The following RAB18 variants were observed in gnomAD, a reference collection of about 807,000 sequenced individuals.
RAB18 encodes the protein ras-related protein Rab-18.
A neutral mutation model predicts 28.5 loss-of-function variants in RAB18; 10 were observed. The observed-to-expected ratio is 0.35, with a 90% CI of 0.22 to 0.60. The LOEUF (loss-of-function observed/expected upper bound fraction) is 0.60, where lower values mean the gene tolerates loss of function less well. Among genes scored for constraint, RAB18 ranks in the 20% least tolerant of loss-of-function variants. The pLI, the probability that RAB18 is intolerant of heterozygous loss-of-function variation, is 0.78. For missense variants in RAB18, 188 were observed against 244.2 expected (o/e 0.77, Z 1.53); for synonymous variants, 93 against 86.9 (o/e 1.07, Z -0.39).
intron 2 of RAB18, among the ~76,000 whole-genome samples, chr10:27,519,140 T>C (rs1834497836): frequency 6.6e-6 from 1 of 150,872 alleles, no homozygotes; most frequent in Non-Finnish European, 1.5e-5. Flanking sequence ...GAAAAGTTGG[T>C]TTAACATTAA....
intron 2 of RAB18, among the ~76,000 whole-genome samples, chr10:27,517,378 A>G (rs1034923068): frequency 7.9e-5 from 12 of 152,108 alleles, no homozygotes; most frequent in African/African-American, 2.9e-4. Flanking sequence ...AAAAAAAAAG[A>G]ATTTGATGAA....
At chr10:27,508,509 G>C (rs193042524) in intron 1 of RAB18, among the ~76,000 whole-genome samples, 2 of 152,102 alleles carry the variant, frequency 1.3e-5, no homozygotes, top group East Asian at 3.9e-4. Context: ...CTTAAATTAT[G>C]GGTAACTGAG....
chr10:27,526,449 A>G (rs1215261653), intron 2 of RAB18, among the ~76,000 whole-genome samples: 1 of 152,212 alleles, frequency 6.6e-6, no homozygotes, highest in South Asian at 2.1e-4. Context: ...GTGGATGCTT[A>G]GGGAGCCCCT....
chr10:27,536,005 C>G (rs975162405), intron 6 of RAB18, among the ~76,000 whole-genome samples: 2 of 149,226 alleles, frequency 1.3e-5, no homozygotes, highest in Admixed American at 6.6e-5. Flanking sequence ...ATTGCTTGAA[C>G]CTGGGAGGCG....
chr10:27,516,859 A>G (rs1834446622), intron 2 of RAB18, among the ~76,000 whole-genome samples: 1 of 152,242 alleles, frequency 6.6e-6, no homozygotes, highest in Non-Finnish European at 1.5e-5. Context: ...AAAGGTTGAA[A>G]ATAGATGAAC....
chr10:27,528,238 T>G (rs914668040), intron 3 of RAB18: 1 of 445,132 alleles, frequency 2.2e-6, no homozygotes, highest in South Asian at 1.6e-5. Context: ...ATTTTCTAGT[T>G]CCTGCCTAAT....
chr10:27,527,694 A>G (rs577274537), intron 3 of RAB18, among the ~76,000 whole-genome samples: 1 of 152,238 alleles, frequency 6.6e-6, no homozygotes, highest in East Asian at 1.9e-4. Flanking sequence ...AGAACTGATC[A>G]GTCATCAAAT....
chr10:27,537,946 C>G lies in RAB18; in HGVS notation c.516C>G (p.Thr172=), dbSNP rs755268566. ...FEELVEKIIQ[T]PGLWESENQN... ...AACTTGTTGAAAAGATCATTCAGAC[C>G]CCTGGACTGTGGGAAAGTGAGAACC... is the stretch of plus-strand genomic sequence containing the variant. The change falls in exon 7 of 7, where the codon ACC becomes ACG. Residue 172 remains threonine, a synonymous_variant. Transcript: ENST00000356940. 5.6e-6 allele frequency: 9 copies of G among 1,613,976 alleles called. No individual in the cohort carries two copies. Among genetic ancestry groups the G allele is most frequent in the Non-Finnish European group, 6.8e-6 (8 of 1,179,970 alleles).
intron 6 of RAB18, among the ~76,000 whole-genome samples, chr10:27,535,455 A>T (rs1269089330): frequency 6.6e-6 from 1 of 152,156 alleles, no homozygotes; most frequent in East Asian, 1.9e-4. Flanking sequence ...AAGGAACAGG[A>T]AGAAAGCGTG....
At chr10:27,535,323 C>A (rs913402006) in intron 6 of RAB18, among the ~76,000 whole-genome samples, 3 of 152,100 alleles carry the variant, frequency 2.0e-5, no homozygotes, top group Non-Finnish European at 2.9e-5. Context: ...CAAGACTATT[C>A]TTCTTCTTCT....
chr10:27,539,339 T>C lies in RAB18; in HGVS notation c.*1288T>C, dbSNP rs951535448. On this transcript the variant is annotated 3_prime_UTR_variant, in exon 7 of 7. Coordinates refer to ENST00000356940, the MANE Select transcript of RAB18 (RefSeq NM_021252.5). ...ATTAATTTCTGGGCAGTTTGTTCTC[T>C]GTATACAATTGCAAATGATAAGCAT... 8 of 293,016 alleles carry C rather than the reference T, an allele frequency of 2.7e-5. No individual in the cohort carries two copies. Among genetic ancestry groups the C allele is most frequent in the African/African-American group, 1.8e-4 (8 of 44,452 alleles). The allele number at this position is 293,016 out of a possible 1,614,324, so 18.2% of individuals were successfully genotyped here. A position where few individuals can be genotyped will look rare whatever the true frequency, so the allele number is the denominator to read the frequency against.
chr10:27,529,697 T>G (rs1354380242), intron 3 of RAB18, among the ~76,000 whole-genome samples: 1 of 152,002 alleles, frequency 6.6e-6, no homozygotes, highest in Non-Finnish European at 1.5e-5. Context: ...GTGCTTCATT[T>G]ATCTTACAAA....
Position 27,540,795 on chromosome 10 carries a change from C to T in RAB18, c.*2744C>T, listed in dbSNP as rs12254670. 7,138 of 454,028 alleles carry T rather than the reference C, an allele frequency of 0.016. 404 individuals are homozygous for T. Among genetic ancestry groups the T allele is most frequent in the African/African-American group, 0.13 (6,298 of 50,078 alleles). 28.1% of individuals were successfully genotyped at this position (454,028 alleles called of 1,614,324 possible). A position where few individuals can be genotyped will look rare whatever the true frequency, so the allele number is the denominator to read the frequency against. On this transcript the variant is annotated 3_prime_UTR_variant, in exon 7 of 7. Coordinates refer to ENST00000356940, the MANE Select transcript of RAB18 (RefSeq NM_021252.5). ...TCCATAAACTCATACTTGGTGTTGA[C>T]ATTCTAGCTGAGTGTTGTGGAAATA...
chr10:27,533,564 A>AT (rs1156637546), intron 4 of RAB18, among the ~76,000 whole-genome samples, 171 bp from the exon 5 acceptor site: 2 of 151,690 alleles, frequency 1.3e-5, no homozygotes, highest in African/African-American at 4.8e-5. Flanking sequence ...TAAAAAAAAA[A>AT]CACTTGTTTC....
chr10:27,523,213 A>G (rs1471157262), intron 2 of RAB18, among the ~76,000 whole-genome samples: 1 of 143,730 alleles, frequency 7.0e-6, no homozygotes, highest in Non-Finnish European at 1.5e-5. Flanking sequence ...AAAATATTTA[A>G]TTTAAAATAC....
At position 27,526,907 on chromosome 10, in the gene RAB18, G is replaced by A. The variant is rs921540516; in HGVS notation, c.186+18G>A. The A allele has an allele frequency of 1.1e-5, 18 of 1,601,772 alleles. No homozygotes were observed. Among genetic ancestry groups the A allele is most frequent in the Non-Finnish European group, 1.5e-5 (17 of 1,169,652 alleles). On this transcript the variant is annotated intron_variant, in intron 3 of 6. Coordinates refer to ENST00000356940, the MANE Select transcript of RAB18 (RefSeq NM_021252.5). ...CAATATGGGTAAGAGTTTTTAAAAT[G>A]TATTTTTAAAATATTAAACTTTACT...
At chr10:27,533,002 AT>A (rs892806541) in intron 4 of RAB18, among the ~76,000 whole-genome samples, 6 of 152,120 alleles carry the variant, frequency 3.9e-5, no homozygotes, top group Admixed American at 3.9e-4. Context: ...TTGATTTATA[AT>A]CAAACAAAAT....
At position 27,504,666 on chromosome 10, in the gene RAB18, G is replaced by T. The variant is rs769847675; in HGVS notation, c.68+229G>T. The T allele has an allele frequency of 8.2e-6, 6 of 735,090 alleles. No homozygotes were observed. The East Asian group carries it at 1.3e-4, about 16-fold the overall frequency. 45.5% of individuals were successfully genotyped at this position (735,090 alleles called of 1,614,324 possible). A position where few individuals can be genotyped will look rare whatever the true frequency, so the allele number is the denominator to read the frequency against. On this transcript the variant is annotated intron_variant, in intron 1 of 6. Transcript: ENST00000356940. ...TTGCCAGGCCCAAGTTCTCTGGGTC[G>T]CTCTCCCTCCTGTAGCGCCGAGAAA...
chr10:27,518,782 A>G (rs943880857), intron 2 of RAB18, among the ~76,000 whole-genome samples: 33 of 152,088 alleles, frequency 2.2e-4, no homozygotes, highest in African/African-American at 6.5e-4. Context: ...GATGAAATCT[A>G]ACTTCTTAAT....
Sources: gnomAD v4.1 joint callset for allele counts (sites outside exome capture counted in the v4.1 genomes callset) on GRCh38, gnomAD v4.1.1 for gene constraint, MANE v1.5 for transcripts, NCBI Gene and HGNC (gene_info 2026-07-23, HGNC 2026-07-21) for gene names.